DGKB: variants seen among roughly 807,000 people sequenced by gnomAD.
The protein encoded by DGKB is diacylglycerol kinase beta, also known as 90 kDa diacylglycerol kinase.
DGKB carries 67 observed loss-of-function variants against 114.3 expected under a neutral mutation model. The ratio of observed to expected loss-of-function variants is 0.59; its 90% CI spans 0.48 to 0.72. The LOEUF is 0.72. DGKB is among the 30% of genes least tolerant of loss of function. DGKB has a pLI of 0.00. For missense variants in DGKB, 907 were observed against 975.2 expected, an observed-to-expected ratio of 0.93 and a Z score of 0.93; for synonymous variants, 398 against 323.1, an observed-to-expected ratio of 1.23 and a Z score of -2.49.
intron 20 of DGKB, among the ~76,000 whole-genome samples, chr7:14,509,606 C>T (rs1787664826): frequency 6.6e-6 from 1 of 152,184 alleles, no homozygotes; most frequent in Admixed American, 6.5e-5. Context: ...CATATTAATC[C>T]TTTTCCTCAT....
At chr7:14,692,421 T>C (rs1404175180) in intron 9 of DGKB, among the ~76,000 whole-genome samples, 1 of 152,012 alleles carries the variant, frequency 6.6e-6, no homozygotes, top group Admixed American at 6.6e-5. Context: ...ACTAAAGTTA[T>C]CTGACAATTT....
At chr7:14,464,041 T>C (rs537559105) in intron 21 of DGKB, among the ~76,000 whole-genome samples, 446 of 151,892 alleles carry the variant, frequency 2.9e-3, no homozygotes, top group Non-Finnish European at 4.8e-3. Flanking sequence ...TTTTTTTTTT[T>C]CCCCTAGTAA....
At chr7:14,541,227 G>T (rs73682443) in intron 20 of DGKB, among the ~76,000 whole-genome samples, 2,397 of 152,000 alleles carry the variant, frequency 0.016, 45 homozygotes, top group East Asian at 0.082. Context: ...TAGTATTATG[G>T]TTATACAAAT....
At position 14,406,561 on chromosome 7, in the gene DGKB, T is replaced by C. The variant is rs570400525; in HGVS notation, c.1836-61170A>G. Among the ~76,000 whole-genome samples, 63 of 152,122 alleles carry C rather than the reference T, an allele frequency of 4.1e-4. 1 individual carries two copies. In the South Asian group the frequency reaches 0.011, roughly 28 times the overall value. ...TTAACTTCCTGAAAAGTGGCTGTTA[T>C]ATGGAAAACCATAAAACAATCATTG... On this transcript the variant is annotated intron_variant, in intron 21 of 25. Coordinates refer to ENST00000402815, the MANE Select transcript of DGKB (RefSeq NM_001350709.2).
chr7:14,374,302 G>A (rs1308116325), intron 21 of DGKB, among the ~76,000 whole-genome samples: 3 of 152,142 alleles, frequency 2.0e-5, no homozygotes, highest in Non-Finnish European at 4.4e-5. Flanking sequence ...GCGATGAAGT[G>A]GACCTGACAG....
chr7:14,752,342 A>G (rs1834257029), intron 4 of DGKB, among the ~76,000 whole-genome samples: 1 of 151,056 alleles, frequency 6.6e-6, no homozygotes, highest in South Asian at 2.1e-4. Context: ...TATTAAGGGT[A>G]AAAGCATATT....
intron 1 of DGKB, among the ~76,000 whole-genome samples, chr7:14,875,418 A>G (rs982633177): frequency 2.6e-5 from 4 of 152,142 alleles, no homozygotes; most frequent in Non-Finnish European, 4.4e-5. Context: ...TTTTTTAAAA[A>G]ATTAAGCCAC....
At chr7:14,726,556 T>C (rs1830065147) in intron 5 of DGKB, among the ~76,000 whole-genome samples, 1 of 152,200 alleles carries the variant, frequency 6.6e-6, no homozygotes, top group African/African-American at 2.4e-5. Context: ...TTTTCAAGAC[T>C]CTTAAGGGTG....
intron 13 of DGKB, among the ~76,000 whole-genome samples, chr7:14,648,078 A>G (rs1476348602): frequency 6.6e-6 from 1 of 152,220 alleles, no homozygotes; most frequent in Admixed American, 6.5e-5. Context: ...AGGGGCGCCC[A>G]CCATTGCCCA....
intron 12 of DGKB, among the ~76,000 whole-genome samples, chr7:14,680,225 T>A (rs1272816810): frequency 6.6e-6 from 1 of 151,948 alleles, no homozygotes; most frequent in South Asian, 2.1e-4. Flanking sequence ...ATTAATTGAC[T>A]TATTTATTAA....
chr7:14,844,622 G>A (rs937753310), intron 1 of DGKB, among the ~76,000 whole-genome samples: 13 of 152,116 alleles, frequency 8.5e-5, no homozygotes, highest in Middle Eastern at 3.4e-3. Flanking sequence ...TTCTTAACTC[G>A]CTCCCTGAGC....
intron 21 of DGKB, among the ~76,000 whole-genome samples, chr7:14,378,940 G>C (rs546668619): frequency 2.6e-5 from 4 of 151,938 alleles, no homozygotes; most frequent in African/African-American, 9.7e-5. Flanking sequence ...CAGGAAAGTG[G>C]TTGTTAGCAA....
At chr7:14,206,797 T>G (rs1786900299) in intron 23 of DGKB, among the ~76,000 whole-genome samples, 1 of 152,024 alleles carries the variant, frequency 6.6e-6, no homozygotes, top group Non-Finnish European at 1.5e-5. Context: ...ATGCAAGTAA[T>G]ATTATAATGC....
chr7:14,819,169 A>G (rs1283897454), intron 2 of DGKB, among the ~76,000 whole-genome samples: 1 of 152,034 alleles, frequency 6.6e-6, no homozygotes, highest in African/African-American at 2.4e-5. Context: ...TCTAATACAT[A>G]CAGAGTACCT....
chr7:14,930,208 C>G (rs960019090), intron 1 of DGKB, among the ~76,000 whole-genome samples: 1 of 152,040 alleles, frequency 6.6e-6, no homozygotes, highest in East Asian at 1.9e-4. Context: ...TCTTTTGGGT[C>G]TTTTTGGTTC....
intron 23 of DGKB, among the ~76,000 whole-genome samples, chr7:14,283,386 A>G (rs1584925632): frequency 1.3e-5 from 2 of 151,662 alleles, no homozygotes; most frequent in Admixed American, 1.3e-4. Context: ...ATGGAAGAAC[A>G]TTCCATGCTC....
At chr7:14,932,089 C>T (rs115668447) in intron 1 of DGKB, among the ~76,000 whole-genome samples, 1 of 152,270 alleles carries the variant, frequency 6.6e-6, no homozygotes, top group African/African-American at 2.4e-5. Flanking sequence ...TTTCTTTTCA[C>T]AGTCTCCCAG....
chr7:14,966,027 A>G (rs1787127301), intron 1 of DGKB, among the ~76,000 whole-genome samples: 1 of 152,078 alleles, frequency 6.6e-6, no homozygotes, highest in South Asian at 2.1e-4. Flanking sequence ...AATTTTATAA[A>G]TATTCTAAAA....
intron 23 of DGKB, among the ~76,000 whole-genome samples, chr7:14,272,069 A>G (rs1273732542): frequency 1.3e-5 from 2 of 152,216 alleles, no homozygotes; most frequent in African/African-American, 4.8e-5. Flanking sequence ...ACCATACAGT[A>G]CCATATATGC....
Sources: allele counts gnomAD v4.1 joint callset (sites outside exome capture counted in the v4.1 genomes callset), GRCh38; gene constraint gnomAD v4.1.1; transcripts MANE v1.5; gene names NCBI Gene and HGNC (gene_info 2026-07-23, HGNC 2026-07-21).